Variants in YAE1 observed in about 807,000 individuals in gnomAD.
The protein encoded by YAE1 is YAE1 maturation factor of ABCE1.
YAE1 carries 22 observed loss-of-function variants against 23.0 expected under a neutral mutation model. That is an observed-to-expected ratio of 0.96 (90% CI 0.68 to 1.37). The LOEUF is 1.37. Ranked by LOEUF, YAE1 falls within the 40% of genes most tolerant of loss-of-function variation. YAE1 has a pLI of 0.00. For synonymous variants in YAE1, 101 were observed against 97.0 expected (o/e 1.04, Z -0.24); for missense variants, 260 against 262.1 (o/e 0.99, Z 0.06).
At chr7:39,580,180 C>T (rs1009004381) in intron 2 of YAE1, among the ~76,000 whole-genome samples, 3 of 152,198 alleles carry the variant, frequency 2.0e-5, no homozygotes, top group Non-Finnish European at 1.5e-5. Context: ...AGTGGTTTAG[C>T]ACATATACTA....
chr7:39,575,567 A>AGAGAGAGAGAGT (rs1161605199), downstream of YAE1, among the ~76,000 whole-genome samples: 1 of 103,012 alleles, frequency 9.7e-6, no homozygotes, highest in Non-Finnish European at 2.0e-5. Flanking sequence ...AGAGAGAGAG[A>AGAGAGAGAGAGT]GAGAGAGAGA....
exon 3 of YAE1, chr7:39,609,903 G>T: frequency 6.5e-7 from 1 of 1,530,614 alleles, no homozygotes; most frequent in East Asian, 2.5e-5. Flanking sequence ...AGCCTGCCCC[G>T]CCTGGCCGCC....
intron 2 of YAE1, among the ~76,000 whole-genome samples, chr7:39,593,491 G>C (rs764350359): frequency 6.6e-6 from 1 of 152,036 alleles, no homozygotes; most frequent in Non-Finnish European, 1.5e-5. Flanking sequence ...CAAGTGATCC[G>C]CCTGCCCTGG....
At chr7:39,610,256 A>C (rs1439395042) in exon 3 of YAE1, 2 of 542,558 alleles carry the variant, frequency 3.7e-6, no homozygotes, top group Non-Finnish European at 3.3e-6. Flanking sequence ...CATGTGGGAC[A>C]AGCCCAACAA....
intron 2 of YAE1, among the ~76,000 whole-genome samples, chr7:39,604,504 G>A (rs1312161949): frequency 6.6e-6 from 1 of 152,102 alleles, no homozygotes; most frequent in Non-Finnish European, 1.5e-5. Context: ...TGAGTCTCAA[G>A]GAAAACAATA....
In YAE1 at chr7:39,566,564, C is replaced by A; in HGVS notation, c.129+17C>A. ...CGAGTCAAAGTAAACGTGGTGTGGACGGCGCGGGGTGCTGGGTTGTGGGAA... is the reference window on the plus strand; with the variant it reads ...CGAGTCAAAGTAAACGTGGTGTGGAAGGCGCGGGGTGCTGGGTTGTGGGAA... On this transcript the variant is annotated intron_variant, in intron 1 of 2. Transcript: ENST00000223273. 6.2e-7 allele frequency: 1 copy of A among 1,612,820 alleles called. No homozygotes were observed. Among genetic ancestry groups the A allele is most frequent in the Non-Finnish European group, 8.5e-7 (1 of 1,179,370 alleles).
chr7:39,599,437 G>T (rs78539802), intron 2 of YAE1, among the ~76,000 whole-genome samples: 2 of 151,666 alleles, frequency 1.3e-5, no homozygotes. Context: ...ATGCAGTGGC[G>T]CAATCTCAGC....
At chr7:39,578,474 CTGTT>C (rs1204408446) in intron 2 of YAE1, among the ~76,000 whole-genome samples, 1 of 152,210 alleles carries the variant, frequency 6.6e-6, no homozygotes, top group African/African-American at 2.4e-5. Flanking sequence ...CTGCTGTTCA[CTGTT>C]TGGGTTTGTG....
intron 2 of YAE1, among the ~76,000 whole-genome samples, chr7:39,593,307 T>C (rs1790928854): frequency 6.7e-6 from 1 of 149,332 alleles, no homozygotes; most frequent in African/African-American, 2.5e-5. Context: ...GCCTCAGCCT[T>C]CCGAGTAGCT....
At chr7:39,603,197 T>C (rs1368093548) in intron 2 of YAE1, among the ~76,000 whole-genome samples, 2 of 152,218 alleles carry the variant, frequency 1.3e-5, no homozygotes, top group African/African-American at 4.8e-5. Flanking sequence ...TCACCCAGGC[T>C]GGAGTGCAGT....
chr7:39,576,670 T>C (rs576381293), downstream of YAE1, among the ~76,000 whole-genome samples: 24 of 152,284 alleles, frequency 1.6e-4, no homozygotes, highest in Admixed American at 1.2e-3. Flanking sequence ...CTCTTCCCAA[T>C]GTTTCCCCTG....
At chr7:39,607,349 T>A (rs1446078237) in intron 2 of YAE1, among the ~76,000 whole-genome samples, 1 of 152,208 alleles carries the variant, frequency 6.6e-6, no homozygotes, top group Non-Finnish European at 1.5e-5. Context: ...TAGGAAGTTA[T>A]CCTGGATTAT....
intron 1 of YAE1, 126 bp from the exon 2 acceptor site, chr7:39,570,380 A>G (rs772500876): frequency 4.0e-5 from 43 of 1,085,302 alleles, no homozygotes; most frequent in Admixed American, 1.2e-4. Context: ...TTGTTATGCC[A>G]TATTATGGTC....
downstream of YAE1, among the ~76,000 whole-genome samples, chr7:39,576,213 A>G (rs545763282): frequency 1.3e-3 from 202 of 152,208 alleles, no homozygotes; most frequent in Non-Finnish European, 2.4e-3. Context: ...CTTTCATTCT[A>G]ATCACCCAGA....
At chr7:39,610,010 G>T (rs1467151412) in exon 3 of YAE1, 3 of 1,506,384 alleles carry the variant, frequency 2.0e-6, no homozygotes, top group Non-Finnish European at 2.7e-6. Flanking sequence ...TCAGAGGGCA[G>T]CTTGTGCTTA....
intron 2 of YAE1, among the ~76,000 whole-genome samples, chr7:39,593,342 G>A (rs1176744602): frequency 6.6e-6 from 1 of 151,776 alleles, no homozygotes; most frequent in Non-Finnish European, 1.5e-5. Context: ...CTGCCACCAT[G>A]CCCAGCTAAT....
chr7:39,570,584 G>A lies in YAE1; in HGVS notation c.208G>A (p.Ala70Thr), dbSNP rs749597934. The change falls in exon 2 of 3, where the codon GCA (alanine) becomes ACA (threonine). Residue 70 changes from alanine (A) to threonine (T), a missense_variant. Physicochemically the swap from Ala to Thr is moderately conservative, Grantham distance 58 (BLOSUM62 0). Coordinates refer to ENST00000223273, the MANE Select transcript of YAE1 (RefSeq NM_020192.5). ...QGFNQGYKKG[A>T]EVILNYGRLR... ...CTTCAATCAAGGTTATAAGAAAGGTGCAGAAGTCATTTTAAACTATGGACG... is the reference window on the plus strand; with the variant it reads ...CTTCAATCAAGGTTATAAGAAAGGTACAGAAGTCATTTTAAACTATGGACG... 2.5e-6 allele frequency: 4 copies of A among 1,607,680 alleles called. No homozygotes were observed. Among genetic ancestry groups the A allele is most frequent in the Non-Finnish European group, 3.4e-6 (4 of 1,178,798 alleles).
chr7:39,598,797 A>AAAGAAG (rs562386955), intron 2 of YAE1, among the ~76,000 whole-genome samples: 2 of 148,380 alleles, frequency 1.3e-5, no homozygotes, highest in African/African-American at 5.2e-5. Context: ...AAAAAAAAAA[A>AAAGAAG]AAGAAGAAGA....
At chr7:39,597,188 C>T (rs1054339071) in intron 2 of YAE1, among the ~76,000 whole-genome samples, 2 of 152,178 alleles carry the variant, frequency 1.3e-5, no homozygotes, top group African/African-American at 4.8e-5. Flanking sequence ...AATATTTAGC[C>T]TAGTAACGCT....
Sources: allele counts gnomAD v4.1 joint callset (sites outside exome capture counted in the v4.1 genomes callset), GRCh38; gene constraint gnomAD v4.1.1; transcripts MANE v1.5; gene names NCBI Gene and HGNC (gene_info 2026-07-23, HGNC 2026-07-21).